Variants in MAPKAP1 observed in about 807,000 individuals in gnomAD.
MAPKAP1 encodes the protein MAPK associated protein 1, also known as target of rapamycin complex 2 subunit MAPKAP1.
Under a neutral mutation model 65.7 loss-of-function variants are expected in MAPKAP1, and 20 were observed. The observed-to-expected ratio is 0.30, with a 90% CI of 0.21 to 0.44. MAPKAP1 has a LOEUF of 0.44. MAPKAP1 is among the 20% of genes least tolerant of loss of function. MAPKAP1 has a pLI of 1.00. For missense variants in MAPKAP1, 423 were observed against 648.0 expected, an observed-to-expected ratio of 0.65 and a Z score of 3.77; for synonymous variants, 222 against 244.3, an observed-to-expected ratio of 0.91 and a Z score of 0.85.
chr9:125,458,632 G>A (rs924300354), intron 10 of MAPKAP1, among the ~76,000 whole-genome samples: 1 of 150,922 alleles, frequency 6.6e-6, no homozygotes, highest in Admixed American at 6.6e-5. Context: ...ACACAGACAG[G>A]GCAACCATCC....
intron 4 of MAPKAP1, among the ~76,000 whole-genome samples, chr9:125,623,040 C>T (rs965041786): frequency 2.0e-5 from 3 of 151,396 alleles, no homozygotes; most frequent in East Asian, 4.0e-4. Context: ...GCGAGTGATC[C>T]GCCAACCTCG....
intron 4 of MAPKAP1, among the ~76,000 whole-genome samples, chr9:125,612,017 T>C (rs1348361880): frequency 1.3e-5 from 2 of 152,228 alleles, no homozygotes; most frequent in Non-Finnish European, 2.9e-5. Context: ...ACTATACTTA[T>C]TGGTTGAGTA....
At chr9:125,522,599 TCTCA>T in intron 7 of MAPKAP1, among the ~76,000 whole-genome samples, 1 of 152,316 alleles carries the variant, frequency 6.6e-6, no homozygotes, top group Non-Finnish European at 1.5e-5. Context: ...TTGCATTCCT[TCTCA>T]CTCAGGCCGC....
chr9:125,570,021 G>C (rs534253667), intron 5 of MAPKAP1, among the ~76,000 whole-genome samples: 1 of 152,172 alleles, frequency 6.6e-6, no homozygotes, highest in African/African-American at 2.4e-5. Context: ...AATGCTTTAA[G>C]GTCATGAACT....
chr9:125,691,438 C>T (rs1228949037), intron 1 of MAPKAP1, among the ~76,000 whole-genome samples: 2 of 152,226 alleles, frequency 1.3e-5, no homozygotes, highest in East Asian at 3.9e-4. Context: ...ATGTTTCAGA[C>T]ACAATGAGCG....
At chr9:125,562,093 T>C (rs1434764777) in intron 5 of MAPKAP1, among the ~76,000 whole-genome samples, 1 of 152,214 alleles carries the variant, frequency 6.6e-6, no homozygotes, top group African/African-American at 2.4e-5. Context: ...CTGAGGAATG[T>C]TTGATTCTCC....
At chr9:125,582,166 A>G (rs1436294824) in intron 5 of MAPKAP1, among the ~76,000 whole-genome samples, 1 of 152,116 alleles carries the variant, frequency 6.6e-6, no homozygotes, top group African/African-American at 2.4e-5. Flanking sequence ...TACTTTAATA[A>G]TTGTATTTTA....
chr9:125,595,653 T>C lies in MAPKAP1; in HGVS notation c.499-9926A>G, dbSNP rs1433590715. On this transcript the variant is annotated intron_variant, in intron 4 of 11. Coordinates refer to ENST00000265960, the MANE Select transcript of MAPKAP1 (RefSeq NM_001006617.3). This position sits in a 1 kb window ranked among gnomAD's most constrained non-coding sequence, Gnocchi z 4.0. ...ACGCCAAGGAAGCATCGTTAAAGTC[T>C]CTCTTCTCCCTGCCGTCCTAAGTCA... 2 of 1,483,598 alleles carry C rather than the reference T, an allele frequency of 1.3e-6. No individual in the cohort carries two copies. Among genetic ancestry groups the C allele is most frequent in the East Asian group, 5.0e-5 (2 of 40,012 alleles). 91.9% of individuals were successfully genotyped at this position (1,483,598 alleles called of 1,614,324 possible).
intron 7 of MAPKAP1, among the ~76,000 whole-genome samples, chr9:125,527,181 C>T (rs866451285): frequency 1.1e-4 from 17 of 151,912 alleles, no homozygotes; most frequent in African/African-American, 3.9e-4. Flanking sequence ...AATTCTCTGC[C>T]TCAGCCTCTG....
At chr9:125,632,280 T>C (rs930953132) in intron 4 of MAPKAP1, among the ~76,000 whole-genome samples, 1 of 151,958 alleles carries the variant, frequency 6.6e-6, no homozygotes, top group East Asian at 1.9e-4. Flanking sequence ...ATAGCATTTA[T>C]TATGCTATAT....
intron 1 of MAPKAP1, among the ~76,000 whole-genome samples, chr9:125,693,670 T>C (rs200421089): frequency 1.5e-5 from 2 of 132,982 alleles, no homozygotes; most frequent in South Asian, 2.9e-4. Flanking sequence ...CACACACATA[T>C]ACACGTATAT....
At chr9:125,586,602 T>C (rs1407795588) in intron 4 of MAPKAP1, among the ~76,000 whole-genome samples, 1 of 152,000 alleles carries the variant, frequency 6.6e-6, no homozygotes, top group Non-Finnish European at 1.5e-5. Context: ...CTTTCTCTTT[T>C]GTGAAAAAAA....
intron 4 of MAPKAP1, among the ~76,000 whole-genome samples, chr9:125,653,709 G>A (rs561821082): frequency 6.6e-6 from 1 of 152,314 alleles, no homozygotes; most frequent in East Asian, 1.9e-4. Flanking sequence ...ATGGGGATTC[G>A]AATGGAGGCT....
chr9:125,526,043 T>C (rs886828740), intron 7 of MAPKAP1, among the ~76,000 whole-genome samples: 1 of 152,206 alleles, frequency 6.6e-6, no homozygotes. Flanking sequence ...CAGAGAACAA[T>C]GGCTGGCTGC....
At chr9:125,654,372 G>T (rs1833974184) in intron 4 of MAPKAP1, among the ~76,000 whole-genome samples, 1 of 152,196 alleles carries the variant, frequency 6.6e-6, no homozygotes, top group Non-Finnish European at 1.5e-5. Context: ...TTGCGGATCT[G>T]ACCAAAGCAT....
At position 125,703,161 on chromosome 9, in the gene MAPKAP1, T is replaced by C. The variant is rs368536358; in HGVS notation, c.-70+3810A>G. ...TGGAGCTGAGCAGCAACTGCTCCCT[T>C]TAGTTTGGGCCCGTGCTCTCCAGTT... On this transcript the variant is annotated intron_variant, in intron 1 of 11. Coordinates refer to ENST00000265960, the MANE Select transcript of MAPKAP1 (RefSeq NM_001006617.3). 2.0e-5 allele frequency among the ~76,000 whole-genome samples: 3 copies of C among 152,286 alleles called. No homozygotes were observed. The East Asian group carries it at 5.8e-4, about 29-fold the overall frequency.
At chr9:125,507,368 C>A (rs1025119977) in intron 7 of MAPKAP1, among the ~76,000 whole-genome samples, 1 of 152,146 alleles carries the variant, frequency 6.6e-6, no homozygotes, top group African/African-American at 2.4e-5. Flanking sequence ...CTCTGAAAGG[C>A]GTGTTTGGTC....
chr9:125,439,540 T>C lies in MAPKAP1; in HGVS notation c.1444-528A>G, dbSNP rs749392995. Among the ~76,000 whole-genome samples the C allele has an allele frequency of 2.0e-5, 3 of 152,142 alleles. No homozygotes were observed. Among genetic ancestry groups the C allele is most frequent in the Non-Finnish European group, 2.9e-5 (2 of 68,012 alleles). ...GAGTGCCCAGCCAGGCAGGGCTCAC[T>C]TGACAAAAAGGAAAGAGGCTCAGAG... On this transcript the variant is annotated intron_variant, in intron 11 of 11. Coordinates refer to ENST00000265960, the MANE Select transcript of MAPKAP1 (RefSeq NM_001006617.3). The surrounding 1 kb of genome is among the most constrained non-coding windows in gnomAD (Gnocchi z 4.0).
At chr9:125,606,278 A>G (rs1589334339) in intron 4 of MAPKAP1, among the ~76,000 whole-genome samples, 1 of 152,146 alleles carries the variant, frequency 6.6e-6, no homozygotes, top group South Asian at 2.1e-4. Context: ...AGAAAAAGGA[A>G]AAGAGTATAT....
Sources: gnomAD v4.1 joint callset for allele counts (sites outside exome capture counted in the v4.1 genomes callset) on GRCh38, gnomAD v4.1.1 for gene constraint, Gnocchi (gnomAD v3.1) non-coding constraint, MANE v1.5 for transcripts, NCBI Gene and HGNC (gene_info 2026-07-23, HGNC 2026-07-21) for gene names.